BBS9: variants seen among roughly 807,000 people sequenced by gnomAD.
The protein encoded by BBS9 is Bardet-Biedl syndrome 9.
BBS9 carries 89 observed loss-of-function variants against 117.7 expected under a neutral mutation model. That is an observed-to-expected ratio of 0.76 (90% confidence interval 0.64 to 0.90). The LOEUF (loss-of-function observed/expected upper bound fraction) is 0.90. Among genes scored for constraint, BBS9 ranks in the 40% least tolerant of loss-of-function variants. The pLI, the probability that BBS9 is intolerant of heterozygous loss-of-function variation, is 0.00. For missense variants in BBS9, 982 were observed against 1,042.2 expected (o/e 0.94, Z 0.80); for synonymous variants, 379 against 370.9 (o/e 1.02, Z -0.25).
chr7:33,341,410 A>T (rs1816527741), intron 11 of BBS9, among the ~76,000 whole-genome samples: 1 of 151,918 alleles, frequency 6.6e-6, no homozygotes, highest in Non-Finnish European at 1.5e-5. Flanking sequence ...TTAATACATT[A>T]TGGTGGTGGT....
In BBS9 at chr7:33,383,785, T is replaced by G; in HGVS notation, c.1909T>G (p.Ser637Ala). 1 of 1,612,914 alleles carries G rather than the reference T, an allele frequency of 6.2e-7. No homozygotes were observed. The highest frequency in any genetic ancestry group is 8.5e-7 in the Non-Finnish European group (1 of 1,179,888). ...QGVKDFACSF[S>A]GSIPLQEYFE... ...AGTCAAAGATTTTGCATGTTCTTTT[T>G]CGGGATCTATACCCCTTCAAGAATA... Residue 637 changes from serine (S) to alanine (A), a missense_variant, in exon 18 of 23, where the codon TCG becomes GCG. Coordinates refer to ENST00000242067, the MANE Select transcript of BBS9 (RefSeq NM_198428.3).
chr7:33,551,489 A>G (rs1482696055), intron 21 of BBS9, among the ~76,000 whole-genome samples: 3 of 152,140 alleles, frequency 2.0e-5, no homozygotes, highest in African/African-American at 7.2e-5. Context: ...CTATTAACTC[A>G]TGGAAAATCA....
intron 21 of BBS9, among the ~76,000 whole-genome samples, chr7:33,630,106 T>C (rs1412790041): frequency 1.3e-5 from 2 of 152,216 alleles, no homozygotes; most frequent in Non-Finnish European, 2.9e-5. Flanking sequence ...ATTTGAATTT[T>C]TGATATGATT....
At chr7:33,604,766 T>C (rs1164438353) in intron 21 of BBS9, 99 bp from the exon 22 acceptor site, 2 of 837,298 alleles carry the variant, frequency 2.4e-6, no homozygotes, top group African/African-American at 1.7e-5. Flanking sequence ...ACGTCATTTA[T>C]TATCTTTATG....
intron 5 of BBS9, among the ~76,000 whole-genome samples, chr7:33,231,268 A>G (rs1242148475): frequency 1.3e-5 from 2 of 152,012 alleles, no homozygotes; most frequent in Non-Finnish European, 2.9e-5. Flanking sequence ...CCTCCTGAGT[A>G]GCTAGGACTA....
At chr7:33,599,911 GGA>G (rs1011883151) in intron 21 of BBS9, among the ~76,000 whole-genome samples, 1 of 151,992 alleles carries the variant, frequency 6.6e-6, no homozygotes, top group African/African-American at 2.4e-5. Context: ...TGCGCTGGTG[GGA>G]GAGAGAGATT....
intron 21 of BBS9, among the ~76,000 whole-genome samples, chr7:33,627,669 G>A (rs1865705895): frequency 6.6e-6 from 1 of 152,218 alleles, no homozygotes; most frequent in Non-Finnish European, 1.5e-5. Context: ...GTGTGGCCTG[G>A]ATATGAGACA....
At chr7:33,413,880 C>T (rs1450802117) in intron 19 of BBS9, among the ~76,000 whole-genome samples, 7 of 152,058 alleles carry the variant, frequency 4.6e-5, no homozygotes, top group Non-Finnish European at 7.4e-5. Context: ...AAAAATTAGC[C>T]GGGCATGGTG....
chr7:33,224,037 G>T (rs941810489), intron 5 of BBS9, among the ~76,000 whole-genome samples: 2 of 152,022 alleles, frequency 1.3e-5, no homozygotes, highest in South Asian at 2.1e-4. Context: ...TTTAAATGTG[G>T]TAAATATAAT....
chr7:33,634,435 G>A (rs1375337232), intron 21 of BBS9, among the ~76,000 whole-genome samples: 1 of 152,206 alleles, frequency 6.6e-6, no homozygotes, highest in East Asian at 1.9e-4. Flanking sequence ...AGATAATAAT[G>A]CCTATTCACG....
chr7:33,337,348 A>T (rs1227779789), intron 10 of BBS9, among the ~76,000 whole-genome samples: 1 of 152,102 alleles, frequency 6.6e-6, no homozygotes, highest in East Asian at 1.9e-4. Context: ...ATGTGAAAAA[A>T]TATGGACTAT....
chr7:33,284,248 G>A (rs758614426), intron 9 of BBS9, among the ~76,000 whole-genome samples: 36 of 152,122 alleles, frequency 2.4e-4, no homozygotes, highest in Non-Finnish European at 4.6e-4. Context: ...TTTGTTGATT[G>A]TGACTGTAGT....
chr7:33,366,547 T>TC (rs544883922), intron 16 of BBS9, among the ~76,000 whole-genome samples: 157 of 135,812 alleles, frequency 1.2e-3, no homozygotes, highest in African/African-American at 4.0e-3. Context: ...TTCTTTCTTT[T>TC]TTTTTTTTTT....
chr7:33,506,000 T>G (rs1215660662), intron 20 of BBS9, among the ~76,000 whole-genome samples: 2 of 152,196 alleles, frequency 1.3e-5, no homozygotes. Flanking sequence ...ACTTCGGCCA[T>G]TTTAATTTGC....
chr7:33,360,770 C>T (rs193115011), intron 16 of BBS9, among the ~76,000 whole-genome samples: 31 of 152,164 alleles, frequency 2.0e-4, no homozygotes, highest in South Asian at 1.2e-3. Context: ...AGTGGTCTTC[C>T]CATCTTGGGC....
chr7:33,355,985 T>C (rs574226515), intron 15 of BBS9, among the ~76,000 whole-genome samples: 2 of 151,932 alleles, frequency 1.3e-5, no homozygotes, highest in South Asian at 4.1e-4. Context: ...ACAGCCAAAT[T>C]CTGGTTTGAG....
At chr7:33,450,327 A>G (rs996359017) in intron 19 of BBS9, among the ~76,000 whole-genome samples, 2 of 152,226 alleles carry the variant, frequency 1.3e-5, no homozygotes, top group African/African-American at 2.4e-5. Flanking sequence ...TAATGCCGCA[A>G]TGAACATGAA....
intron 9 of BBS9, among the ~76,000 whole-genome samples, chr7:33,308,018 A>T (rs994213951): frequency 6.6e-6 from 1 of 152,178 alleles, no homozygotes; most frequent in Non-Finnish European, 1.5e-5. Context: ...GAGTGAAGTG[A>T]CACGTGCTCA....
At chr7:33,369,875 G>C (rs1822528082) in intron 17 of BBS9, among the ~76,000 whole-genome samples, 1 of 152,144 alleles carries the variant, frequency 6.6e-6, no homozygotes, top group African/African-American at 2.4e-5. Context: ...TCCTACAAAT[G>C]AAAGAACCTA....
Sources: gnomAD v4.1 joint callset for allele counts (sites outside exome capture counted in the v4.1 genomes callset) on GRCh38, gnomAD v4.1.1 for gene constraint, MANE v1.5 for transcripts, NCBI Gene and HGNC (gene_info 2026-07-23, HGNC 2026-07-21) for gene names.